ASTN2: variants seen among roughly 807,000 people sequenced by gnomAD.
The protein encoded by ASTN2 is astrotactin 2, also known as astrotactin-2.
A neutral mutation model predicts 139.8 loss-of-function variants in ASTN2; 54 were observed. The ratio of observed to expected loss-of-function variants is 0.39; its 90% CI spans 0.31 to 0.48. ASTN2 has a LOEUF of 0.48. Among genes scored for constraint, ASTN2 ranks in the 20% least tolerant of loss-of-function variants. The pLI, the probability that ASTN2 is intolerant of heterozygous loss-of-function variation, is 0.95. For synonymous variants in ASTN2, 756 were observed against 719.5 expected, an observed-to-expected ratio of 1.05 and a Z score of -0.81; for missense variants, 1,565 against 1,725.1, an observed-to-expected ratio of 0.91 and a Z score of 1.64.
chr9:117,273,628 A>C (rs1328668539), intron 2 of ASTN2, among the ~76,000 whole-genome samples: 1 of 152,238 alleles, frequency 6.6e-6, no homozygotes, highest in East Asian at 1.9e-4. Context: ...ACACAGAAGC[A>C]GAACAGGATG....
chr9:116,772,988 G>A (rs185216199), intron 13 of ASTN2, among the ~76,000 whole-genome samples: 203 of 152,058 alleles, frequency 1.3e-3, no homozygotes, highest in African/African-American at 4.6e-3. Flanking sequence ...AGATGGAAGA[G>A]AAAAAGAAAT....
At chr9:117,262,790 T>C (rs1833855359) in intron 2 of ASTN2, among the ~76,000 whole-genome samples, 1 of 152,234 alleles carries the variant, frequency 6.6e-6, no homozygotes, top group Non-Finnish European at 1.5e-5. Flanking sequence ...GGACCTAATG[T>C]AATCATAGGG....
intron 10 of ASTN2, among the ~76,000 whole-genome samples, chr9:116,897,661 C>T (rs769681647): frequency 4.0e-5 from 6 of 151,626 alleles, no homozygotes; most frequent in Middle Eastern, 3.4e-3. Flanking sequence ...TTAAAAGGAA[C>T]GAACTGAATC....
chr9:117,210,598 T>C (rs531651479), intron 3 of ASTN2, among the ~76,000 whole-genome samples: 1 of 152,162 alleles, frequency 6.6e-6, no homozygotes, highest in Non-Finnish European at 1.5e-5. Flanking sequence ...CAGGACCAGA[T>C]GGCTTCACCA....
Position 117,369,816 on chromosome 9 carries a change from G to A in ASTN2, c.442+44681C>T, listed in dbSNP as rs183066085. 7.5e-3 allele frequency among the ~76,000 whole-genome samples: 1,141 copies of A among 152,214 alleles called. 9 individuals are homozygous for A. Among genetic ancestry groups the A allele is most frequent in the Non-Finnish European group, 1.0e-2 (680 of 68,006 alleles). On this transcript the variant is annotated intron_variant, in intron 1 of 22. Coordinates refer to ENST00000313400, the MANE Select transcript of ASTN2 (RefSeq NM_001365068.1). ...GGTACTTTTCCTGTTAATAAACTGG[G>A]ATGCAGAGGCTTTAACAAGAGAATT...
At chr9:116,579,304 T>A (rs16933693) in intron 19 of ASTN2, among the ~76,000 whole-genome samples, 21,696 of 152,242 alleles carry the variant, frequency 0.14, 1,665 homozygotes, top group Middle Eastern at 0.19. Flanking sequence ...ATTCAAACAC[T>A]GGATCTGTCT....
chr9:116,891,050 T>C (rs1253471112), intron 10 of ASTN2, among the ~76,000 whole-genome samples: 2 of 152,186 alleles, frequency 1.3e-5, no homozygotes, highest in Non-Finnish European at 2.9e-5. Context: ...AAAGCAAAAG[T>C]TCTTAGAGCC....
intron 11 of ASTN2, among the ~76,000 whole-genome samples, chr9:116,823,329 T>C (rs1356256121): frequency 6.6e-6 from 1 of 152,150 alleles, no homozygotes; most frequent in Non-Finnish European, 1.5e-5. Flanking sequence ...ATTAGCTGCC[T>C]AATGGGCAAG....
intron 19 of ASTN2, among the ~76,000 whole-genome samples, chr9:116,542,899 G>C (rs1189568160): frequency 6.6e-6 from 1 of 151,920 alleles, no homozygotes; most frequent in East Asian, 1.9e-4. Flanking sequence ...CAGCCTGGGT[G>C]ACAGAGCAAA....
At chr9:117,125,201 C>A (rs927569042) in intron 4 of ASTN2, among the ~76,000 whole-genome samples, 1 of 152,144 alleles carries the variant, frequency 6.6e-6, no homozygotes, top group African/African-American at 2.4e-5. Flanking sequence ...CCCTTTGTCT[C>A]CCCCATCATT....
intron 10 of ASTN2, among the ~76,000 whole-genome samples, chr9:116,886,781 T>G (rs1479862533): frequency 1.3e-5 from 2 of 152,196 alleles, no homozygotes; most frequent in Non-Finnish European, 2.9e-5. Flanking sequence ...CTGCTCTAGG[T>G]GCAGCAAAGG....
chr9:116,808,216 G>T (rs979202683), intron 12 of ASTN2, among the ~76,000 whole-genome samples: 1 of 152,120 alleles, frequency 6.6e-6, no homozygotes, highest in African/African-American at 2.4e-5. Flanking sequence ...CTGTCCCAGA[G>T]GTCACCATTG....
At chr9:117,096,951 C>A (rs4081271) in intron 4 of ASTN2, among the ~76,000 whole-genome samples, 1 of 152,132 alleles carries the variant, frequency 6.6e-6, no homozygotes, top group African/African-American at 2.4e-5. Flanking sequence ...AGACACACAG[C>A]GGGAGGCCTT....
chr9:116,733,419 G>C lies in ASTN2; in HGVS notation c.2501C>G (p.Pro834Arg). The C allele has an allele frequency of 6.2e-7, 1 of 1,614,104 alleles. No homozygotes were observed. The highest frequency in any genetic ancestry group is 8.5e-7 in the Non-Finnish European group (1 of 1,180,006). ...CTTACCAGTGAGCAGTTGGAGGTCT[G>C]GAAGGGGCTCGGAGAGGACCCCCCG... ...QCRGVLSEPL[P>R]DLQLLTGDIR... The change falls in exon 14 of 23, where the codon CCA becomes CGA. Residue 834 changes from proline (P) to arginine (R), a missense_variant. Physicochemically the swap from Pro to Arg is moderately radical, Grantham distance 103. This residue lies in a region of ASTN2 where 503 missense variants were observed against 591.7 expected (regional missense o/e 0.85). Transcript: ENST00000313400.
intron 2 of ASTN2, among the ~76,000 whole-genome samples, chr9:117,287,755 C>A (rs1834486185): frequency 6.6e-6 from 1 of 152,172 alleles, no homozygotes; most frequent in South Asian, 2.1e-4. Context: ...TGTCTTTTTA[C>A]TCCTAAGTTG....
At chr9:117,014,498 C>T (rs1837622450) in intron 6 of ASTN2, among the ~76,000 whole-genome samples, 1 of 152,158 alleles carries the variant, frequency 6.6e-6, no homozygotes, top group South Asian at 2.1e-4. Context: ...TCTGTCTTCA[C>T]TTCCTGACCT....
chr9:116,504,180 C>G (rs974347141), intron 19 of ASTN2: 1 of 152,176 alleles, frequency 6.6e-6, no homozygotes, highest in African/African-American at 2.4e-5. Flanking sequence ...ACTTCCCTCC[C>G]TTGTTCCAAT....
chr9:117,252,792 C>A (rs2133093752), intron 2 of ASTN2, among the ~76,000 whole-genome samples: 1 of 152,278 alleles, frequency 6.6e-6, no homozygotes, highest in Middle Eastern at 3.4e-3. Context: ...CAAGATTTTG[C>A]CAAAGCCCTT....
chr9:117,099,536 C>T (rs960686502), intron 4 of ASTN2, among the ~76,000 whole-genome samples: 5 of 152,144 alleles, frequency 3.3e-5, no homozygotes, highest in Admixed American at 6.5e-5. Flanking sequence ...GTAAGAAAAG[C>T]GAACACTTGC....
Sources: gnomAD v4.1 joint callset for allele counts (sites outside exome capture counted in the v4.1 genomes callset) on GRCh38, gnomAD v4.1.1 for gene constraint, gnomAD v4.1.1 regional missense constraint, MANE v1.5 for transcripts, NCBI Gene and HGNC (gene_info 2026-07-23, HGNC 2026-07-21) for gene names.